DSCAM: variants seen among roughly 807,000 people sequenced by gnomAD.
DSCAM encodes DS cell adhesion molecule, also known as cell adhesion molecule DSCAM.
Under a neutral mutation model 217.7 loss-of-function variants are expected in DSCAM, and 47 were observed. That is an observed-to-expected ratio of 0.22 (90% CI 0.17 to 0.28). The LOEUF is 0.28. DSCAM is among the 10% of genes least tolerant of loss of function. DSCAM has a pLI of 1.00. For missense variants in DSCAM, 2,080 were observed against 2,618.3 expected, an observed-to-expected ratio of 0.79 and a Z score of 4.49; for synonymous variants, 1,056 against 1,015.3, an observed-to-expected ratio of 1.04 and a Z score of -0.76.
At chr21:40,536,106 A>G (rs1282611217) in intron 3 of DSCAM, among the ~76,000 whole-genome samples, 1 of 152,196 alleles carries the variant, frequency 6.6e-6, no homozygotes, top group Non-Finnish European at 1.5e-5. Context: ...GTAAGTGTCC[A>G]ACATTCAGCC....
At chr21:40,828,624 A>G (rs1331391602) in intron 1 of DSCAM, among the ~76,000 whole-genome samples, 1 of 149,334 alleles carries the variant, frequency 6.7e-6, no homozygotes, top group East Asian at 2.0e-4. Flanking sequence ...AGCCAATCAC[A>G]TCCTCCCTCA....
chr21:40,478,522 A>T (rs1350217547), intron 3 of DSCAM, among the ~76,000 whole-genome samples: 2 of 152,206 alleles, frequency 1.3e-5, no homozygotes, highest in Non-Finnish European at 2.9e-5. Context: ...ATTGTACTAA[A>T]ATTATAGCCA....
intron 1 of DSCAM, among the ~76,000 whole-genome samples, chr21:40,729,089 TA>T: frequency 6.6e-6 from 1 of 152,376 alleles, no homozygotes; most frequent in Admixed American, 6.5e-5. Context: ...TTGGCATGAT[TA>T]AATAATTAGC....
intron 3 of DSCAM, among the ~76,000 whole-genome samples, chr21:40,425,114 C>T (rs1241526138): frequency 6.6e-6 from 1 of 152,114 alleles, no homozygotes; most frequent in African/African-American, 2.4e-5. Flanking sequence ...CAAAAATTAT[C>T]ACAACAGAAG....
chr21:40,238,191 A>G (rs2073103845), intron 11 of DSCAM, among the ~76,000 whole-genome samples: 1 of 152,154 alleles, frequency 6.6e-6, no homozygotes. Context: ...GAATAGAAAT[A>G]TAAGACTCCA....
In DSCAM at chr21:40,011,654, T is replaced by C. The variant is rs1179863834; in HGVS notation, c.*1380A>G. On this transcript the variant is annotated 3_prime_UTR_variant, in exon 33 of 33. Transcript: ENST00000400454. ...GAGGGTTGTGGGATAAAGAATGCAG[T>C]TCCGACTATTTATGAGTAAATTCTC... is the stretch of plus-strand genomic sequence containing the variant. The C allele has an allele frequency of 6.6e-6, 1 of 152,200 alleles. No homozygotes were observed. The highest frequency in any genetic ancestry group is 1.5e-5 in the Non-Finnish European group (1 of 68,042). The allele number at this position is 152,200 out of a possible 1,614,324, so 9.4% of individuals were successfully genotyped here.
At chr21:40,133,617 C>CAAA (rs67478168) in intron 19 of DSCAM, among the ~76,000 whole-genome samples, 2 of 149,328 alleles carry the variant, frequency 1.3e-5, no homozygotes, top group African/African-American at 5.0e-5. Flanking sequence ...AAACAAAAAA[C>CAAA]AAAAAAAAAG....
chr21:40,062,064 G>A lies in DSCAM; in HGVS notation c.4919+805C>T, dbSNP rs1601287748. Among the ~76,000 whole-genome samples the A allele has an allele frequency of 2.0e-5, 3 of 152,316 alleles. No individual in the cohort carries two copies. The East Asian group carries it at 5.8e-4, about 29-fold the overall frequency. On this transcript the variant is annotated intron_variant, in intron 28 of 32. Transcript: ENST00000400454. ...ATACGTGTAAATGCTTCATATCAGA[G>A]TGTTCTAGTATTTACAGAGTAAAAA...
chr21:40,145,928 ATATGTGTGT>A (rs2090350006), intron 16 of DSCAM, among the ~76,000 whole-genome samples: 1 of 151,766 alleles, frequency 6.6e-6, no homozygotes, highest in African/African-American at 2.4e-5. Flanking sequence ...CAGTCAACAG[ATATGTGTGT>A]TTATGTGTAT....
rs531713142 is a variant in DSCAM, at chr21:40,742,209, C to T, written c.44-33438G>A. 2.0e-5 allele frequency among the ~76,000 whole-genome samples: 3 copies of T among 152,298 alleles called. No homozygotes were observed. In the South Asian group the frequency reaches 6.2e-4, roughly 32 times the overall value. On this transcript the variant is annotated intron_variant, in intron 1 of 32. Coordinates refer to ENST00000400454, the MANE Select transcript of DSCAM (RefSeq NM_001389.5). The stretch of plus-strand genomic sequence containing the variant: ...ACTGCCAAATCCTGAACAGGAGGTC[C>T]CAGCAGAACTAAGGACAGTGAATTG...
intron 3 of DSCAM, among the ~76,000 whole-genome samples, chr21:40,555,532 T>C (rs2076664104): frequency 6.6e-6 from 1 of 152,240 alleles, no homozygotes; most frequent in Non-Finnish European, 1.5e-5. Context: ...CATTATATTG[T>C]ATTTAATTAT....
intron 19 of DSCAM, among the ~76,000 whole-genome samples, 199 bp downstream of exon 19, chr21:40,133,652 GGAA>G (rs1376748085): frequency 6.6e-6 from 1 of 152,050 alleles, no homozygotes; most frequent in Non-Finnish European, 1.5e-5. Flanking sequence ...AAAATATAGA[GGAA>G]GAAGAAGCAA....
At chr21:40,061,632 TCA>T (rs1320412522) in intron 28 of DSCAM, among the ~76,000 whole-genome samples, 1 of 152,100 alleles carries the variant, frequency 6.6e-6, no homozygotes, top group African/African-American at 2.4e-5. Context: ...TACCTACGAT[TCA>T]CATTGTTTTG....
chr21:40,352,709 C>T (rs1305314401), intron 5 of DSCAM, among the ~76,000 whole-genome samples: 2 of 152,210 alleles, frequency 1.3e-5, no homozygotes. Context: ...CTAAGACCTC[C>T]TCTCTGACCA....
chr21:40,540,460 G>A (rs1306927801), intron 3 of DSCAM, among the ~76,000 whole-genome samples: 1 of 152,056 alleles, frequency 6.6e-6, no homozygotes, highest in Non-Finnish European at 1.5e-5. Context: ...CTCACACTGC[G>A]CTGTGAATCT....
intron 3 of DSCAM, among the ~76,000 whole-genome samples, chr21:40,573,263 G>A (rs553298945): frequency 4.9e-4 from 74 of 152,134 alleles, no homozygotes; most frequent in African/African-American, 1.8e-3. Context: ...GCGTGAACCC[G>A]GGAGGTGGAG....
intron 3 of DSCAM, among the ~76,000 whole-genome samples, chr21:40,648,527 C>T (rs563974996): frequency 2.6e-5 from 4 of 152,282 alleles, no homozygotes; most frequent in South Asian, 2.1e-4. Flanking sequence ...GTCCTGGGTA[C>T]ATCCACAGAC....
At chr21:40,817,525 A>T (rs1294567819) in intron 1 of DSCAM, among the ~76,000 whole-genome samples, 2 of 152,186 alleles carry the variant, frequency 1.3e-5, no homozygotes, top group African/African-American at 2.4e-5. Flanking sequence ...CTGTTTGTCC[A>T]TTTAAATTAG....
At chr21:40,687,329 T>G (rs2090490397) in intron 3 of DSCAM, among the ~76,000 whole-genome samples, 1 of 152,170 alleles carries the variant, frequency 6.6e-6, no homozygotes, top group Non-Finnish European at 1.5e-5. Flanking sequence ...TATTTTAATG[T>G]TTATCTCATT....
Sources: allele counts gnomAD v4.1 joint callset (sites outside exome capture counted in the v4.1 genomes callset), GRCh38; gene constraint gnomAD v4.1.1; transcripts MANE v1.5; gene names NCBI Gene and HGNC (gene_info 2026-07-23, HGNC 2026-07-21).